RIMS2: variants seen among roughly 807,000 people sequenced by gnomAD.
RIMS2 encodes regulating synaptic membrane exocytosis 2.
In RIMS2, 59 loss-of-function variants were observed where a neutral mutation model predicts 174.4. The ratio of observed to expected loss-of-function variants is 0.34; its 90% CI spans 0.27 to 0.42. RIMS2 has a LOEUF of 0.42. RIMS2 is among the 10% of genes least tolerant of loss of function. The pLI, the probability that RIMS2 is intolerant of heterozygous loss-of-function variation, is 1.00. For synonymous variants in RIMS2, 606 were observed against 572.5 expected (o/e 1.06, Z -0.84); for missense variants, 1,620 against 1,666.3 (o/e 0.97, Z 0.48).
intron 14 of RIMS2, among the ~76,000 whole-genome samples, chr8:103,946,854 C>T (rs1197632257): frequency 6.6e-6 from 1 of 152,118 alleles, no homozygotes; most frequent in Non-Finnish European, 1.5e-5. Context: ...ACTTATTGTA[C>T]AGCTACAGTA....
intron 1 of RIMS2, among the ~76,000 whole-genome samples, chr8:103,671,828 G>A (rs1000390500): frequency 4.6e-5 from 7 of 152,014 alleles, no homozygotes; most frequent in South Asian, 2.1e-4. Flanking sequence ...TATTAATAAC[G>A]TATTCATGAA....
chr8:103,795,969 G>A (rs1415316306), intron 3 of RIMS2, among the ~76,000 whole-genome samples: 4 of 152,124 alleles, frequency 2.6e-5, no homozygotes, highest in East Asian at 3.9e-4. Flanking sequence ...TCATCCCCTA[G>A]CCCATCTTAT....
chr8:104,040,618 A>G (rs1439836733), intron 19 of RIMS2, among the ~76,000 whole-genome samples: 1 of 151,786 alleles, frequency 6.6e-6, no homozygotes, highest in Non-Finnish European at 1.5e-5. Flanking sequence ...AGGCATTAAA[A>G]GGGAATATGA....
rs531986732 is a variant in RIMS2, at chr8:103,786,068, G to T, written c.698+19531G>T. Among the ~76,000 whole-genome samples, 933 of 152,102 alleles carry T rather than the reference G, an allele frequency of 6.1e-3. 12 individuals carry two copies. Among genetic ancestry groups the T allele is most frequent in the African/African-American group, 0.021 (881 of 41,490 alleles). On this transcript the variant is annotated intron_variant, in intron 3 of 23. Coordinates refer to ENST00000504942, the Ensembl canonical transcript of RIMS2. ...CTAGTTTATTTGCGTAGAGTTGTTT[G>T]TAGTATTCTCTGATGGTAGTTTGTA...
chr8:103,890,931 C>T (rs1470778134), intron 4 of RIMS2, among the ~76,000 whole-genome samples: 1 of 152,006 alleles, frequency 6.6e-6, no homozygotes, highest in Non-Finnish European at 1.5e-5. Flanking sequence ...TTGTGTTGCA[C>T]TATCTCATGC....
chr8:103,771,877 T>C (rs2098257384), intron 3 of RIMS2, among the ~76,000 whole-genome samples: 1 of 152,106 alleles, frequency 6.6e-6, no homozygotes, highest in Non-Finnish European at 1.5e-5. Context: ...TGAATTTCAG[T>C]GTAGTATTTG....
At position 103,886,112 on chromosome 8, in the gene RIMS2, G is replaced by A. The variant is rs200234707; in HGVS notation, c.1513G>A (p.Gly505Ser). 5.0e-5 allele frequency: 80 copies of A among 1,612,852 alleles called. No individual in the cohort carries two copies. The highest frequency in any genetic ancestry group is 6.4e-5 in the Non-Finnish European group (76 of 1,179,420). The change falls in exon 4 of 24, where the codon GGT (glycine) becomes AGT (serine). Residue 505 changes from glycine to serine, a missense_variant. By Grantham distance (56) the Gly-to-Ser change is moderately conservative. Around this residue, in one of 2 missense-constraint regions of RIMS2, gnomAD observed 1,395 missense variants for 1,360.1 expected, o/e 1.03. Coordinates refer to ENST00000504942, the Ensembl canonical transcript of RIMS2. Reference sequence around the variant, plus strand: ...AAAGCCTCATAAATCAAAGAAAGGCGGTAAAATGCGCCAGATTTCGTTGAG... The same window carrying A: ...AAAGCCTCATAAATCAAAGAAAGGCAGTAAAATGCGCCAGATTTCGTTGAG...
intron 3 of RIMS2, among the ~76,000 whole-genome samples, chr8:103,825,446 A>ATTTTTTTTTT (rs35460743): frequency 3.0e-5 from 4 of 131,828 alleles, no homozygotes; most frequent in Non-Finnish European, 3.2e-5. Context: ...TGGCTAGCTA[A>ATTTTTTTTTT]TTTTTTTTTT....
At chr8:104,100,958 ATATAT>A (rs1339541915) in intron 19 of RIMS2, among the ~76,000 whole-genome samples, 9 of 122,258 alleles carry the variant, frequency 7.4e-5, no homozygotes, top group African/African-American at 2.0e-4. Context: ...AGTATATATG[ATATAT>A]TATATAGTAT....
intron 1 of RIMS2, among the ~76,000 whole-genome samples, chr8:103,630,661 CACACACACACAA>C (rs2095894633): frequency 6.6e-6 from 1 of 150,384 alleles, no homozygotes; most frequent in Non-Finnish European, 1.5e-5. Context: ...TATGATAAGT[CACACACACACAA>C]ACACACACAC....
chr8:103,905,775 C>CTTTTTTTT (rs60157494), intron 4 of RIMS2, among the ~76,000 whole-genome samples: 2 of 122,060 alleles, frequency 1.6e-5, no homozygotes, highest in Non-Finnish European at 1.7e-5. Flanking sequence ...ATTTTCTTTT[C>CTTTTTTTT]TTTTTTTTTT....
At chr8:104,148,799 CGTT>C (rs746764819) in intron 19 of RIMS2, 3 of 1,598,392 alleles carry the variant, frequency 1.9e-6, no homozygotes, top group East Asian at 2.2e-5. Flanking sequence ...TGGTAGCTAT[CGTT>C]GGTCTGTCAC....
intron 2 of RIMS2, among the ~76,000 whole-genome samples, chr8:103,752,392 C>T (rs1407671655): frequency 2.0e-5 from 3 of 152,148 alleles, no homozygotes; most frequent in Non-Finnish European, 4.4e-5. Flanking sequence ...CGTGATGCCT[C>T]CAGCTTTGTT....
At chr8:103,777,221 A>C (rs373587366) in intron 3 of RIMS2, among the ~76,000 whole-genome samples, 11 of 152,156 alleles carry the variant, frequency 7.2e-5, no homozygotes, top group African/African-American at 2.6e-4. Context: ...AGAAAAAAGG[A>C]GAAAGAATTA....
chr8:104,246,718 A>G (rs1027869511), intron 20 of RIMS2, among the ~76,000 whole-genome samples: 8 of 152,142 alleles, frequency 5.3e-5, no homozygotes, highest in Non-Finnish European at 1.0e-4. Context: ...GCAGAGGGAT[A>G]TCTGAAGGAA....
intron 3 of RIMS2, among the ~76,000 whole-genome samples, chr8:103,804,547 C>T (rs530817905): frequency 6.6e-6 from 1 of 152,100 alleles, no homozygotes; most frequent in Non-Finnish European, 1.5e-5. Context: ...TTGAGTTTGT[C>T]TATGTGGTTT....
intron 1 of RIMS2, among the ~76,000 whole-genome samples, chr8:103,625,933 A>G (rs2095772718): frequency 6.6e-6 from 1 of 151,694 alleles, no homozygotes; most frequent in Non-Finnish European, 1.5e-5. Context: ...CACACTAGTA[A>G]ATTGTTCATA....
intron 3 of RIMS2, among the ~76,000 whole-genome samples, chr8:103,791,886 A>C (rs992766758): frequency 6.6e-6 from 1 of 152,194 alleles, no homozygotes; most frequent in African/African-American, 2.4e-5. Flanking sequence ...CTAAATATAT[A>C]TATACTCAAT....
intron 3 of RIMS2, among the ~76,000 whole-genome samples, chr8:103,790,710 T>G (rs918833915): frequency 2.6e-5 from 4 of 152,224 alleles, no homozygotes; most frequent in African/African-American, 7.2e-5. Context: ...GCTATTTATA[T>G]ATCTTCTTTG....
Sources: allele counts gnomAD v4.1 joint callset (sites outside exome capture counted in the v4.1 genomes callset), GRCh38; gene constraint gnomAD v4.1.1; regional missense constraint gnomAD v4.1.1; transcripts MANE v1.5; gene names NCBI Gene and HGNC (gene_info 2026-07-23, HGNC 2026-07-21).